SLC25A36: variants seen among roughly 807,000 people sequenced by gnomAD.
SLC25A36 encodes the protein solute carrier family 25 member 36, also known as epididymis secretory sperm binding protein.
Under a neutral mutation model 35.3 loss-of-function variants are expected in SLC25A36, and 24 were observed. The ratio of observed to expected loss-of-function variants is 0.68; its 90% CI spans 0.49 to 0.96. The LOEUF is 0.96. Ranked by LOEUF, SLC25A36 falls within the 40% of genes least tolerant of loss-of-function variation. SLC25A36 has a pLI of 0.00. For synonymous variants in SLC25A36, 141 were observed against 132.2 expected (o/e 1.07, Z -0.46); for missense variants, 294 against 381.1 (o/e 0.77, Z 1.90).
Position 140,942,033 on chromosome 3 carries a change from CGGA to C in SLC25A36, c.-18_-16del, listed in dbSNP as rs1447307678. 1 of 1,419,964 alleles carries C rather than the reference CGGA, an allele frequency of 7.0e-7. No homozygotes were observed. Among genetic ancestry groups the C allele is most frequent in the Non-Finnish European group, 9.6e-7 (1 of 1,039,876 alleles). 88.0% of individuals were successfully genotyped at this position (1,419,964 alleles called of 1,614,324 possible). ...CAGATCCGCGTCCCGCCTCAGCGGC[CGGA>C]GGACATGCGGGAGAGAGAATGAGCC... On this transcript the variant is annotated 5_prime_UTR_variant, in exon 1 of 7. Transcript: ENST00000324194.
chr3:140,975,065 G>C (rs1246528917), intron 6 of SLC25A36, among the ~76,000 whole-genome samples: 1 of 143,612 alleles, frequency 7.0e-6, no homozygotes. Context: ...TGTCATTACA[G>C]GAAGAGGTAC....
intron 3 of SLC25A36, among the ~76,000 whole-genome samples, chr3:140,962,791 A>G (rs72991046): frequency 0.13 from 19,001 of 151,450 alleles, 1,940 homozygotes; most frequent in African/African-American, 0.28. Context: ...TAAATTAGTT[A>G]TTATTTTGTT....
chr3:140,960,835 C>T lies in SLC25A36; in HGVS notation c.284+1295C>T, dbSNP rs149496445. Reference sequence around the variant, plus strand: ...GCAAAGGAACTAATAACTAAAGGAACAACCAAAGGAACTAGCAGTTAGAAA... The same window carrying T: ...GCAAAGGAACTAATAACTAAAGGAATAACCAAAGGAACTAGCAGTTAGAAA... On this transcript the variant is annotated intron_variant, in intron 3 of 6. Coordinates refer to ENST00000324194, the MANE Select transcript of SLC25A36 (RefSeq NM_001104647.3). Among the ~76,000 whole-genome samples, 85 of 152,258 alleles carry T rather than the reference C, an allele frequency of 5.6e-4. 1 individual carries two copies. In the East Asian group the frequency reaches 0.015, roughly 27 times the overall value.
At chr3:140,944,639 G>C (rs1934114343) in intron 1 of SLC25A36, among the ~76,000 whole-genome samples, 1 of 151,974 alleles carries the variant, frequency 6.6e-6, no homozygotes, top group African/African-American at 2.4e-5. Flanking sequence ...TTTTCTATTT[G>C]AGGGAGATAT....
In SLC25A36 at chr3:140,970,933, C is replaced by A; in HGVS notation, c.392C>A (p.Thr131Asn). Residue 131 changes from threonine (T) to asparagine (N), a missense_variant, in exon 5 of 7, where the codon ACT (threonine) becomes AAT (asparagine). Physicochemically the swap from Thr to Asn is moderately conservative, Grantham distance 65. Transcript: ENST00000324194. ...TTTAAACATGTTTGTTTAGGTTTTA[C>A]TGCAATCACAGCAACCAACCCCATT... ...HMISAAMAGF[T>N]AITATNPIWL... 1 of 1,466,562 alleles carries A rather than the reference C, an allele frequency of 6.8e-7. No homozygotes were observed. The highest frequency in any genetic ancestry group is 9.6e-7 in the Non-Finnish European group (1 of 1,047,022). 90.8% of individuals were successfully genotyped at this position (1,466,562 alleles called of 1,614,324 possible). A position where few individuals can be genotyped will look rare whatever the true frequency, so the allele number is the denominator to read the frequency against.
intron 1 of SLC25A36, among the ~76,000 whole-genome samples, chr3:140,949,097 C>A (rs888667684): frequency 6.6e-6 from 1 of 152,108 alleles, no homozygotes; most frequent in African/African-American, 2.4e-5. Context: ...GTTTTTTAAA[C>A]CAGTTTTGGT....
At chr3:140,957,893 T>G (rs540226258) in intron 2 of SLC25A36, among the ~76,000 whole-genome samples, 1 of 152,308 alleles carries the variant, frequency 6.6e-6, no homozygotes, top group East Asian at 1.9e-4. Flanking sequence ...TTAATTCTCT[T>G]TTTCAGTAGT....
chr3:140,972,769 G>C (rs1031183041), intron 5 of SLC25A36: 3 of 150,232 alleles, frequency 2.0e-5, no homozygotes, highest in South Asian at 2.1e-4. Flanking sequence ...TTATCTAATA[G>C]GTATTCAATA....
intron 6 of SLC25A36, among the ~76,000 whole-genome samples, chr3:140,975,338 C>T (rs1005815820): frequency 2.6e-5 from 4 of 151,772 alleles, no homozygotes; most frequent in Non-Finnish European, 5.9e-5. Flanking sequence ...AAACTCTGGG[C>T]TCAAGCGATT....
At chr3:140,955,004 G>A (rs532905797) in intron 1 of SLC25A36, among the ~76,000 whole-genome samples, 6 of 151,876 alleles carry the variant, frequency 4.0e-5, no homozygotes, top group South Asian at 2.1e-4. Context: ...GATCCATTTC[G>A]AGTTAATTTT....
chr3:140,960,305 A>G (rs1421987878), intron 3 of SLC25A36, among the ~76,000 whole-genome samples: 9 of 152,198 alleles, frequency 5.9e-5, no homozygotes, highest in Non-Finnish European at 7.3e-5. Flanking sequence ...TGCATCTTGA[A>G]AAATTTTGAC....
At chr3:140,967,105 C>G (rs533889808) in intron 4 of SLC25A36, 1 of 450,708 alleles carries the variant, frequency 2.2e-6, no homozygotes, top group Admixed American at 2.4e-5. Flanking sequence ...TTTATGATAG[C>G]TGTGGAATTA....
chr3:140,953,895 A>C (rs931757708), intron 1 of SLC25A36, among the ~76,000 whole-genome samples: 2 of 152,222 alleles, frequency 1.3e-5, no homozygotes, highest in Non-Finnish European at 2.9e-5. Flanking sequence ...GTTTGAACCC[A>C]GGAGTTCAAG....
chr3:140,974,255 T>C (rs1483205425), intron 6 of SLC25A36, among the ~76,000 whole-genome samples: 1 of 152,102 alleles, frequency 6.6e-6, no homozygotes, highest in East Asian at 1.9e-4. Context: ...CACTTCAGCT[T>C]GGTGACTTTT....
chr3:140,965,399 G>A (rs1167722863), intron 4 of SLC25A36: 2 of 151,642 alleles, frequency 1.3e-5, no homozygotes, highest in Admixed American at 6.6e-5. Flanking sequence ...TGCTAACCTT[G>A]TCACTTTACT....
chr3:140,952,610 T>C lies in SLC25A36; in HGVS notation c.42-3917T>C, dbSNP rs563977832. 3.3e-5 allele frequency among the ~76,000 whole-genome samples: 5 copies of C among 152,370 alleles called. No individual in the cohort carries two copies. The South Asian group carries it at 1.0e-3, about 32-fold the overall frequency. ...CACATAACTACATAGCTAATATTTA[T>C]TGAGCACTTTTTATGTGCCACTTTA... On this transcript the variant is annotated intron_variant, in intron 1 of 6. Coordinates refer to ENST00000324194, the MANE Select transcript of SLC25A36 (RefSeq NM_001104647.3).
At chr3:140,958,858 CTT>C (rs1358878573) in intron 2 of SLC25A36, among the ~76,000 whole-genome samples, 1 of 151,730 alleles carries the variant, frequency 6.6e-6, no homozygotes, top group Non-Finnish European at 1.5e-5. Flanking sequence ...ATCATTGTGT[CTT>C]AATCTTTCAG....
chr3:140,959,326 ATAAG>A (rs1254888576), intron 2 of SLC25A36, 133 bp from the exon 3 acceptor site: 6 of 549,714 alleles, frequency 1.1e-5, no homozygotes, highest in African/African-American at 2.0e-5. Flanking sequence ...CAAATTTTTA[ATAAG>A]TAAGGAAAAC....
chr3:140,967,082 C>G (rs1934777440), intron 4 of SLC25A36: 3 of 454,554 alleles, frequency 6.6e-6, no homozygotes, highest in Non-Finnish European at 1.3e-5. Context: ...GTATAAGAAA[C>G]CCACCCTGGG....
Sources: allele counts gnomAD v4.1 joint callset (sites outside exome capture counted in the v4.1 genomes callset), GRCh38; gene constraint gnomAD v4.1.1; transcripts MANE v1.5; gene names NCBI Gene and HGNC (gene_info 2026-07-23, HGNC 2026-07-21).